KCTD16: variants seen among roughly 807,000 people sequenced by gnomAD.
KCTD16 encodes the protein potassium channel tetramerization domain containing 16.
A neutral mutation model predicts 33.2 loss-of-function variants in KCTD16; 13 were observed. The observed-to-expected ratio is 0.39, with a 90% CI of 0.25 to 0.62. The LOEUF (loss-of-function observed/expected upper bound fraction) is 0.62. Among genes scored for constraint, KCTD16 ranks in the 20% least tolerant of loss-of-function variants. The probability of loss-of-function intolerance (pLI) is 0.50; values close to 1 mark genes in which losing one functional copy is unlikely to be tolerated. For synonymous variants in KCTD16, 197 were observed against 195.3 expected (o/e 1.01, Z -0.07); for missense variants, 441 against 525.1 (o/e 0.84, Z 1.57).
chr5:144,285,553 T>C (rs994378497), intron 3 of KCTD16, among the ~76,000 whole-genome samples: 37 of 152,210 alleles, frequency 2.4e-4, no homozygotes, highest in African/African-American at 8.2e-4. Context: ...TGGGAACACA[T>C]TGACCTTGCG....
intron 3 of KCTD16, among the ~76,000 whole-genome samples, chr5:144,258,894 G>A (rs533102874): frequency 4.6e-5 from 7 of 152,208 alleles, no homozygotes; most frequent in African/African-American, 1.4e-4. Context: ...GTGGACTCAT[G>A]TGTGTCTGTC....
rs569435644 is a variant in KCTD16 at position 144,345,392 on chromosome 5, G to A, written c.833-128268G>A. On this transcript the variant is annotated intron_variant, in intron 3 of 3. Coordinates refer to ENST00000512467, the MANE Select transcript of KCTD16 (RefSeq NM_020768.4). The stretch of plus-strand genomic sequence containing the variant: ...AAAAGTTTAGTTAGCAGAAAATGCA[G>A]TACAACATGCATGTTACACAAGTTT... 3.9e-5 allele frequency among the ~76,000 whole-genome samples: 6 copies of A among 152,200 alleles called. No individual in the cohort carries two copies. The South Asian group carries it at 1.2e-3, about 32-fold the overall frequency.
At chr5:144,335,541 G>GAC (rs71576197) in intron 3 of KCTD16, among the ~76,000 whole-genome samples, 34,797 of 151,684 alleles carry the variant, frequency 0.23, 4,189 homozygotes, top group Non-Finnish European at 0.28. Context: ...TCTAGTGAAA[G>GAC]ACACACACAC....
chr5:144,346,433 A>G (rs1232298913), intron 3 of KCTD16, among the ~76,000 whole-genome samples: 2 of 152,124 alleles, frequency 1.3e-5, no homozygotes, highest in Non-Finnish European at 2.9e-5. Context: ...GGGCCTCCAA[A>G]CTATTCTCCA....
At chr5:144,420,213 A>G (rs1000012086) in intron 3 of KCTD16, among the ~76,000 whole-genome samples, 5 of 152,044 alleles carry the variant, frequency 3.3e-5, no homozygotes, top group Non-Finnish European at 4.4e-5. Context: ...GCGTTATAGG[A>G]TAACTTGAAG....
chr5:144,220,281 T>C (rs1056320143), intron 3 of KCTD16, among the ~76,000 whole-genome samples: 12 of 152,228 alleles, frequency 7.9e-5, no homozygotes, highest in African/African-American at 2.7e-4. Context: ...TTCCTAGTGA[T>C]GTCTATTCAG....
At chr5:144,277,369 C>T (rs151321871) in intron 3 of KCTD16, among the ~76,000 whole-genome samples, 1 of 152,280 alleles carries the variant, frequency 6.6e-6, no homozygotes, top group African/African-American at 2.4e-5. Flanking sequence ...AGAAAAACAT[C>T]ACAAACTGCT....
At chr5:144,256,140 G>A (rs1035556947) in intron 3 of KCTD16, among the ~76,000 whole-genome samples, 6 of 152,142 alleles carry the variant, frequency 3.9e-5, no homozygotes, top group Non-Finnish European at 7.4e-5. Context: ...AGGCACTTTG[G>A]ATCTACATAC....
intron 3 of KCTD16, among the ~76,000 whole-genome samples, chr5:144,242,733 A>T (rs1754438973): frequency 6.6e-6 from 1 of 152,148 alleles, no homozygotes; most frequent in East Asian, 1.9e-4. Context: ...ATGTGTGTAG[A>T]GATTGCATGG....
intron 3 of KCTD16, among the ~76,000 whole-genome samples, chr5:144,467,780 T>A (rs1191255160): frequency 6.6e-6 from 1 of 152,194 alleles, no homozygotes; most frequent in Non-Finnish European, 1.5e-5. Context: ...AGAGTGTCTT[T>A]CATGTCTTTT....
At chr5:144,193,758 G>A (rs988992227) in intron 2 of KCTD16, among the ~76,000 whole-genome samples, 6 of 152,088 alleles carry the variant, frequency 3.9e-5, no homozygotes, top group African/African-American at 1.2e-4. Flanking sequence ...TCAAATTTGG[G>A]TAAAAGGCAA....
chr5:144,444,611 CA>C (rs1204743995), intron 3 of KCTD16, among the ~76,000 whole-genome samples: 7 of 151,894 alleles, frequency 4.6e-5, no homozygotes, highest in Non-Finnish European at 8.8e-5. Context: ...TTGCTAGATA[CA>C]AAACCCTTAG....
chr5:144,320,926 G>A (rs991790102), intron 3 of KCTD16, among the ~76,000 whole-genome samples: 1 of 152,074 alleles, frequency 6.6e-6, no homozygotes, highest in Non-Finnish European at 1.5e-5. Context: ...CGTGATCTCG[G>A]CTTACTGCAA....
chr5:144,448,851 A>G (rs1464201735), intron 3 of KCTD16, among the ~76,000 whole-genome samples: 1 of 152,038 alleles, frequency 6.6e-6, no homozygotes, highest in Non-Finnish European at 1.5e-5. Flanking sequence ...AGGTCTCAAT[A>G]GATAGCAAGT....
chr5:144,235,246 A>G (rs1754217388), intron 3 of KCTD16, among the ~76,000 whole-genome samples: 1 of 152,120 alleles, frequency 6.6e-6, no homozygotes, highest in African/African-American at 2.4e-5. Context: ...AGAGATTGAT[A>G]CTCATTAAAA....
chr5:144,350,138 C>A (rs896577646), intron 3 of KCTD16, among the ~76,000 whole-genome samples: 1 of 152,126 alleles, frequency 6.6e-6, no homozygotes, highest in Non-Finnish European at 1.5e-5. Flanking sequence ...TGTTATGACC[C>A]CTGTAGGTAT....
At chr5:144,358,122 C>T (rs557629243) in intron 3 of KCTD16, among the ~76,000 whole-genome samples, 11 of 124,352 alleles carry the variant, frequency 8.8e-5, no homozygotes, top group South Asian at 2.5e-4. Context: ...TTTGTAGAGA[C>T]GAGATCTCAC....
At chr5:144,467,839 T>A (rs74912324) in intron 3 of KCTD16, among the ~76,000 whole-genome samples, 3 of 152,118 alleles carry the variant, frequency 2.0e-5, no homozygotes, top group African/African-American at 7.2e-5. Flanking sequence ...GTCTCTCAGC[T>A]CCAAACACAC....
intron 3 of KCTD16, among the ~76,000 whole-genome samples, chr5:144,350,781 T>TTC (rs199743105): frequency 1.3e-5 from 2 of 152,042 alleles, no homozygotes; most frequent in East Asian, 3.9e-4. Flanking sequence ...CTTTTTTTTT[T>TTC]TCTCTCTCTC....
Sources: gnomAD v4.1 joint callset for allele counts (sites outside exome capture counted in the v4.1 genomes callset) on GRCh38, gnomAD v4.1.1 for gene constraint, MANE v1.5 for transcripts, NCBI Gene and HGNC (gene_info 2026-07-23, HGNC 2026-07-21) for gene names.